Variants in KCNQ1OT1 observed in about 807,000 individuals in gnomAD.
KCNQ1OT1 encodes KCNQ1 antisense RNA 2 (non-protein coding).
Position 2,626,206 on chromosome 11 carries a change from T to C in KCNQ1OT1, n.73789A>G. On this transcript the variant is annotated non_coding_transcript_exon_variant, in exon 1 of 1. Transcript: ENST00000597346. The surrounding 1 kb of genome is among the most constrained non-coding windows in gnomAD (Gnocchi z 4.0). ...TTCATAGTTTTAGGACTTTGACCCA[T>C]TTTGAGTAAGTTTTTGTACACAGTG... is the stretch of plus-strand genomic sequence containing the variant. The C allele has an allele frequency of 2.5e-6, 1 of 398,582 alleles. No homozygotes were observed. Among genetic ancestry groups the C allele is most frequent in the East Asian group, 3.6e-5 (1 of 28,062 alleles). The allele number at this position is 398,582 out of a possible 1,614,324, so 24.7% of individuals were successfully genotyped here. A position where few individuals can be genotyped will look rare whatever the true frequency, so the allele number is the denominator to read the frequency against.
Position 2,613,720 on chromosome 11 carries a change from A to C in KCNQ1OT1, n.86275T>G, listed in dbSNP as rs950571351. ...TTATTTTTTGAATACATATAACATTAACATACTTCCAAAAGTCAATACTAA... is the reference window on the plus strand; with the variant it reads ...TTATTTTTTGAATACATATAACATTCACATACTTCCAAAAGTCAATACTAA... On this transcript the variant is annotated non_coding_transcript_exon_variant, in exon 1 of 1. Transcript: ENST00000597346. The surrounding 1 kb of genome is among the most constrained non-coding windows in gnomAD (Gnocchi z 4.8). 16 of 398,432 alleles carry C rather than the reference A, an allele frequency of 4.0e-5. No individual in the cohort carries two copies. Among genetic ancestry groups the C allele is most frequent in the African/African-American group, 2.9e-4 (14 of 48,614 alleles). The allele number at this position is 398,432 out of a possible 1,614,324, so 24.7% of individuals were successfully genotyped here.
In KCNQ1OT1 at chr11:2,671,922, C is replaced by T. The variant is rs1416520205; in HGVS notation, n.28073G>A. ...CAGCCTGTGGGCCCCGCTATGCTTC[C>T]TCAGGCAGCTAGTCTCTGTATCTGG... On this transcript the variant is annotated non_coding_transcript_exon_variant, in exon 1 of 1. Transcript: ENST00000597346. This position sits in a 1 kb window ranked among gnomAD's most constrained non-coding sequence, Gnocchi z 4.7. The T allele has an allele frequency of 1.3e-5, 5 of 398,588 alleles. No individual in the cohort carries two copies. The highest frequency in any genetic ancestry group is 2.1e-5 in the African/African-American group (1 of 48,622). The allele number at this position is 398,588 out of a possible 1,614,324, so 24.7% of individuals were successfully genotyped here.
At position 2,671,235 on chromosome 11, in the gene KCNQ1OT1, C is replaced by G. The variant is rs1850178376; in HGVS notation, n.28760G>C. 2 of 398,590 alleles carry G rather than the reference C, an allele frequency of 5.0e-6. No homozygotes were observed. The highest frequency in any genetic ancestry group is 8.8e-6 in the Non-Finnish European group (2 of 226,084). 24.7% of individuals were successfully genotyped at this position (398,590 alleles called of 1,614,324 possible). A position where few individuals can be genotyped will look rare whatever the true frequency, so the allele number is the denominator to read the frequency against. On this transcript the variant is annotated non_coding_transcript_exon_variant, in exon 1 of 1. Transcript: ENST00000597346. The surrounding 1 kb of genome is among the most constrained non-coding windows in gnomAD (Gnocchi z 4.7). Reference sequence around the variant, plus strand: ...GACAGAGGTAGACAGGAGTCCAGGTCTGACCTCAAAATCCGATGTCCCCAC... The same window carrying G: ...GACAGAGGTAGACAGGAGTCCAGGTGTGACCTCAAAATCCGATGTCCCCAC...
At position 2,645,739 on chromosome 11, in the gene KCNQ1OT1, G is replaced by A; in HGVS notation, n.54256C>T. The stretch of plus-strand genomic sequence containing the variant: ...CCAGCTTTGTGTAAGGGATGTCCAT[G>A]GGGCTCCAGGGATGAGATAGAGGGA... On this transcript the variant is annotated non_coding_transcript_exon_variant, in exon 1 of 1. Transcript: ENST00000597346. The surrounding 1 kb of genome is among the most constrained non-coding windows in gnomAD (Gnocchi z 5.8). The A allele has an allele frequency of 5.0e-6, 2 of 398,856 alleles. No homozygotes were observed. Among genetic ancestry groups the A allele is most frequent in the Admixed American group, 4.4e-5 (1 of 22,744 alleles). The allele number at this position is 398,856 out of a possible 1,614,324, so 24.7% of individuals were successfully genotyped here. A position where few individuals can be genotyped will look rare whatever the true frequency, so the allele number is the denominator to read the frequency against.
At position 2,682,980 on chromosome 11, in the gene KCNQ1OT1, C is replaced by G. The variant is rs1013467172; in HGVS notation, n.17015G>C. The G allele has an allele frequency of 2.8e-5, 11 of 398,640 alleles. No individual in the cohort carries two copies. In the East Asian group the frequency reaches 3.9e-4, roughly 14 times the overall value. The allele number at this position is 398,640 out of a possible 1,614,324, so 24.7% of individuals were successfully genotyped here. On this transcript the variant is annotated non_coding_transcript_exon_variant, in exon 1 of 1. Transcript: ENST00000597346. The surrounding 1 kb of genome is among the most constrained non-coding windows in gnomAD (Gnocchi z 5.8). ...CCTTCTGCCACCCAGACTGTGCATT[C>G]AGACATCTCCCTTGTGCTGTGCAGC...
Position 2,621,229 on chromosome 11 carries a change from C to G in KCNQ1OT1, n.78766G>C. The stretch of plus-strand genomic sequence containing the variant: ...CTGACCCCAGATGATCCACGCACCT[C>G]AGCCTCCCAAAGTGCTAGGACTACA... On this transcript the variant is annotated non_coding_transcript_exon_variant, in exon 1 of 1. Transcript: ENST00000597346. The surrounding 1 kb of genome is among the most constrained non-coding windows in gnomAD (Gnocchi z 5.7). The G allele has an allele frequency of 2.5e-6, 1 of 397,970 alleles. No homozygotes were observed. The highest frequency in any genetic ancestry group is 4.4e-6 in the Non-Finnish European group (1 of 226,022). The allele number at this position is 397,970 out of a possible 1,614,324, so 24.7% of individuals were successfully genotyped here. A position where few individuals can be genotyped will look rare whatever the true frequency, so the allele number is the denominator to read the frequency against.
Position 2,621,600 on chromosome 11 carries a change from T to A in KCNQ1OT1, n.78395A>T. ...TCTGTTCAGGCTTTCTATTCCTGAT[T>A]TAATCTTAGCAGGTTGGTTTTTTTC... On this transcript the variant is annotated non_coding_transcript_exon_variant, in exon 1 of 1. Transcript: ENST00000597346. This position sits in a 1 kb window ranked among gnomAD's most constrained non-coding sequence, Gnocchi z 5.7. 1 of 398,520 alleles carries A rather than the reference T, an allele frequency of 2.5e-6. No individual in the cohort carries two copies. The highest frequency in any genetic ancestry group is 4.4e-6 in the Non-Finnish European group (1 of 226,018). The allele number at this position is 398,520 out of a possible 1,614,324, so 24.7% of individuals were successfully genotyped here. A position where few individuals can be genotyped will look rare whatever the true frequency, so the allele number is the denominator to read the frequency against.
exon 1 of KCNQ1OT1, chr11:2,616,999 G>C (rs1221294193): frequency 2.5e-6 from 1 of 397,308 alleles, no homozygotes; most frequent in Non-Finnish European, 4.4e-6. Context: ...TGCATATTTA[G>C]TGTATAAAAC....
chr11:2,622,162 T>A, exon 1 of KCNQ1OT1: 2 of 398,376 alleles, frequency 5.0e-6, no homozygotes, highest in Non-Finnish European at 8.9e-6. Flanking sequence ...TTGAAGTCCC[T>A]AAGTATTATT....
At chr11:2,616,889 A>C (rs1160039847) in exon 1 of KCNQ1OT1, 1 of 397,684 alleles carries the variant, frequency 2.5e-6, no homozygotes, top group African/African-American at 2.1e-5. Flanking sequence ...TTGTAGGTCT[A>C]GTTGGTTTAT....
rs1014372446 is a variant in KCNQ1OT1 at position 2,624,619 on chromosome 11, T to C, written n.75376A>G. The C allele has an allele frequency of 8.8e-5, 35 of 398,468 alleles. No individual in the cohort carries two copies. The highest frequency in any genetic ancestry group is 1.1e-4 in the Non-Finnish European group (25 of 226,042). 24.7% of individuals were successfully genotyped at this position (398,468 alleles called of 1,614,324 possible). On this transcript the variant is annotated non_coding_transcript_exon_variant, in exon 1 of 1. Transcript: ENST00000597346. This position sits in a 1 kb window ranked among gnomAD's most constrained non-coding sequence, Gnocchi z 4.9. ...ATTACCATCCTAACCAATTTTAGTG[T>C]ACAATTCAGTGAATGTATTAGATAC...
Position 2,620,961 on chromosome 11 carries a change from TG to T in KCNQ1OT1, n.79033del. The T allele has an allele frequency of 5.2e-6, 2 of 385,204 alleles. No homozygotes were observed. The highest frequency in any genetic ancestry group is 9.1e-6 in the Non-Finnish European group (2 of 219,610). 23.9% of individuals were successfully genotyped at this position (385,204 alleles called of 1,614,324 possible). On this transcript the variant is annotated non_coding_transcript_exon_variant, in exon 1 of 1. Transcript: ENST00000597346. This position sits in a 1 kb window ranked among gnomAD's most constrained non-coding sequence, Gnocchi z 4.5. ...TTGTTTTGTTTTGTTTTTTTTTGTCTGTTTTTTGCTTTTTTGTTTGTTTGTT... is the reference window on the plus strand; with the variant it reads ...TTGTTTTGTTTTGTTTTTTTTTGTCTTTTTTTGCTTTTTTGTTTGTTTGTT...
exon 1 of KCNQ1OT1, chr11:2,675,134 C>T (rs930590978): frequency 5.8e-5 from 23 of 398,622 alleles, no homozygotes; most frequent in Middle Eastern, 6.3e-4. Flanking sequence ...CCTCTTTCTC[C>T]CATCCTTCAC....
At chr11:2,609,364 T>C (rs4930137) in exon 1 of KCNQ1OT1, 107,520 of 398,250 alleles carry the variant, frequency 0.27, 19,263 homozygotes, top group African/African-American at 0.65. Context: ...TACTTTTATT[T>C]CATTATATTC....
chr11:2,637,145 T>C (rs1001001008), exon 1 of KCNQ1OT1: 15 of 152,222 alleles, frequency 9.9e-5, no homozygotes, highest in Non-Finnish European at 7.3e-5. Flanking sequence ...CCTGGATTCA[T>C]TGATTTTTTG....
In KCNQ1OT1 at chr11:2,669,273, T is replaced by C. The variant is rs1279682107; in HGVS notation, n.30722A>G. ...CTTCCCCATCACTGGCTTTGCTGTC[T>C]TTGCAGGGTTTCTCCTCACCATACA... On this transcript the variant is annotated non_coding_transcript_exon_variant, in exon 1 of 1. Transcript: ENST00000597346. The surrounding 1 kb of genome is among the most constrained non-coding windows in gnomAD (Gnocchi z 5.6). 5.0e-6 allele frequency: 2 copies of C among 398,698 alleles called. No individual in the cohort carries two copies. The highest frequency in any genetic ancestry group is 8.8e-6 in the Non-Finnish European group (2 of 226,122). The allele number at this position is 398,698 out of a possible 1,614,324, so 24.7% of individuals were successfully genotyped here. A position where few individuals can be genotyped will look rare whatever the true frequency, so the allele number is the denominator to read the frequency against.
At chr11:2,646,166 T>C (rs978494178) in exon 1 of KCNQ1OT1, 3 of 398,540 alleles carry the variant, frequency 7.5e-6, no homozygotes, top group Middle Eastern at 6.2e-4. Context: ...AGAGGCGATC[T>C]ATATAAACTG....
exon 1 of KCNQ1OT1, chr11:2,684,944 T>G (rs1850458779): frequency 2.5e-6 from 1 of 398,686 alleles, no homozygotes; most frequent in Middle Eastern, 6.3e-4. Context: ...CATGTTATCT[T>G]TGTACCTGGT....
At chr11:2,649,314 T>G (rs952116317) in exon 1 of KCNQ1OT1, 1 of 398,546 alleles carries the variant, frequency 2.5e-6, no homozygotes. Flanking sequence ...TGCAATTTTT[T>G]GGTTTTCTGT....
Sources: gnomAD v4.1 joint callset for allele counts on GRCh38, gnomAD v4.1.1 for gene constraint, Gnocchi (gnomAD v3.1) non-coding constraint, MANE v1.5 for transcripts, NCBI Gene and HGNC (gene_info 2026-07-23, HGNC 2026-07-21) for gene names.